DPYD: variants seen among roughly 807,000 people sequenced by gnomAD.
The protein encoded by DPYD is dihydropyrimidine dehydrogenase [NADP(+)].
Under a neutral mutation model 116.2 loss-of-function variants are expected in DPYD, and 109 were observed. The observed-to-expected ratio is 0.94, with a 90% CI of 0.80 to 1.10. The LOEUF (loss-of-function observed/expected upper bound fraction) is 1.10. Among genes scored for constraint, DPYD ranks in the 50% least tolerant of loss-of-function variants. The probability of loss-of-function intolerance (pLI) is 0.00; values close to 1 mark genes in which losing one functional copy is unlikely to be tolerated. For missense variants in DPYD, 1,302 were observed against 1,254.5 expected, an observed-to-expected ratio of 1.04 and a Z score of -0.57; for synonymous variants, 440 against 432.0, an observed-to-expected ratio of 1.02 and a Z score of -0.23.
chr1:97,496,829 C>T (rs1679291652), intron 13 of DPYD, among the ~76,000 whole-genome samples: 1 of 151,674 alleles, frequency 6.6e-6, no homozygotes. Context: ...CTCTGAGAAC[C>T]AGGATTGTAT....
chr1:97,721,602 GACA>G lies in DPYD; in HGVS notation c.388_390del (p.Cys130del). On this transcript the variant is annotated inframe_deletion, in exon 5 of 23. Transcript: ENST00000370192. ...CCACCTACACAAAGATCAGAGGTTG[GACA>G]TACCATTCCACAAGTCAGACCAAGT... The G allele has an allele frequency of 1.9e-6, 3 of 1,611,762 alleles. No individual in the cohort carries two copies. The highest frequency in any genetic ancestry group is 2.2e-5 in the South Asian group (2 of 91,024).
intron 12 of DPYD, among the ~76,000 whole-genome samples, chr1:97,522,451 G>C (rs376987022): frequency 2.0e-5 from 3 of 152,186 alleles, no homozygotes; most frequent in African/African-American, 7.2e-5. Flanking sequence ...TGTCGGGCGT[G>C]GTGGCTCACA....
intron 1 of DPYD, among the ~76,000 whole-genome samples, chr1:97,893,462 A>ATATATATATATATG (rs1553256548): frequency 4.3e-5 from 6 of 139,846 alleles, no homozygotes; most frequent in African/African-American, 1.6e-4. Flanking sequence ...ATATATATAT[A>ATATATATATATATG]GCAATGGAGA....
intron 20 of DPYD, among the ~76,000 whole-genome samples, chr1:97,189,336 G>A (rs982041869): frequency 1.3e-5 from 2 of 152,104 alleles, no homozygotes; most frequent in African/African-American, 4.8e-5. Flanking sequence ...TCCAGATGTC[G>A]GGAACAGCAT....
At chr1:97,438,859 C>T (rs530535766) in intron 14 of DPYD, among the ~76,000 whole-genome samples, 1 of 152,040 alleles carries the variant, frequency 6.6e-6, no homozygotes, top group African/African-American at 2.4e-5. Context: ...TTTACTTCTT[C>T]CTTTGCAGTC....
chr1:97,798,444 A>G (rs1204817250), intron 3 of DPYD, among the ~76,000 whole-genome samples: 1 of 152,044 alleles, frequency 6.6e-6, no homozygotes, highest in Non-Finnish European at 1.5e-5. Context: ...TACTCAGTGT[A>G]TGACCATGGG....
intron 14 of DPYD, among the ~76,000 whole-genome samples, chr1:97,424,417 T>C (rs1570712359): frequency 6.6e-6 from 1 of 151,596 alleles, no homozygotes; most frequent in Admixed American, 6.6e-5. Context: ...AAAGGAAACA[T>C]AGACACACTG....
At chr1:97,704,561 A>C (rs2100985211) in intron 5 of DPYD, among the ~76,000 whole-genome samples, 1 of 152,150 alleles carries the variant, frequency 6.6e-6, no homozygotes, top group Non-Finnish European at 1.5e-5. Flanking sequence ...TCCTTTTATT[A>C]AACTACATCA....
intron 8 of DPYD, among the ~76,000 whole-genome samples, chr1:97,596,454 T>C (rs1190978434): frequency 6.6e-6 from 1 of 152,180 alleles, no homozygotes; most frequent in Non-Finnish European, 1.5e-5. Context: ...TTTTCCAAAG[T>C]GTAAATGAAG....
At chr1:97,389,874 A>AAAT (rs201262918) in intron 14 of DPYD, among the ~76,000 whole-genome samples, 30 of 151,730 alleles carry the variant, frequency 2.0e-4, no homozygotes, top group Admixed American at 1.1e-3. Context: ...CAAAAAAAAA[A>AAAT]AAAGTAGTGC....
intron 13 of DPYD, chr1:97,514,217 C>T: frequency 1.0e-6 from 1 of 985,006 alleles, no homozygotes; most frequent in Non-Finnish European, 1.2e-6. Context: ...GCAAGTGCTC[C>T]TAGGTTACTG....
At chr1:97,416,007 A>G (rs180966433) in intron 14 of DPYD, among the ~76,000 whole-genome samples, 5 of 152,320 alleles carry the variant, frequency 3.3e-5, no homozygotes, top group Admixed American at 6.5e-5. Context: ...TAAGGTAACT[A>G]TTCAATAATA....
chr1:97,247,757 G>T (rs1662817405), intron 18 of DPYD, among the ~76,000 whole-genome samples: 1 of 152,136 alleles, frequency 6.6e-6, no homozygotes, highest in Non-Finnish European at 1.5e-5. Context: ...CAGTTGAAGT[G>T]AAATGCACAA....
chr1:97,651,508 A>T (rs1658582782), intron 8 of DPYD, among the ~76,000 whole-genome samples: 1 of 152,124 alleles, frequency 6.6e-6, no homozygotes, highest in Admixed American at 6.6e-5. Flanking sequence ...CCGTTCATTA[A>T]TCAAACATTA....
intron 3 of DPYD, among the ~76,000 whole-genome samples, chr1:97,822,695 G>A (rs563542631): frequency 1.3e-5 from 2 of 152,208 alleles, no homozygotes; most frequent in Non-Finnish European, 2.9e-5. Flanking sequence ...ATGTGAGAAT[G>A]GCTGTCTCAC....
At chr1:97,195,925 T>C (rs1658777691) in intron 19 of DPYD, among the ~76,000 whole-genome samples, 2 of 151,422 alleles carry the variant, frequency 1.3e-5, no homozygotes, top group African/African-American at 4.9e-5. Flanking sequence ...CGGATAACAT[T>C]TGCCTTTATA....
chr1:97,686,627 ACT>A (rs1261207821), intron 7 of DPYD, among the ~76,000 whole-genome samples: 2 of 111,848 alleles, frequency 1.8e-5, no homozygotes, highest in East Asian at 4.8e-4. Context: ...ACAGAGCGAG[ACT>A]CTGTCTCAAA....
chr1:97,885,353 TTTTCCACCTC>T (rs1426696031), intron 1 of DPYD, among the ~76,000 whole-genome samples: 1 of 152,008 alleles, frequency 6.6e-6, no homozygotes, highest in Non-Finnish European at 1.5e-5. Context: ...AAAAATGTTA[TTTTCCACCTC>T]TACTAATGTA....
intron 20 of DPYD, among the ~76,000 whole-genome samples, chr1:97,156,993 C>T (rs828062): frequency 0.027 from 4,063 of 150,684 alleles, 117 homozygotes; most frequent in African/African-American, 0.087. Context: ...TGGAAATCAT[C>T]ATTCTCAGTA....
Sources: gnomAD v4.1 joint callset for allele counts (sites outside exome capture counted in the v4.1 genomes callset) on GRCh38, gnomAD v4.1.1 for gene constraint, MANE v1.5 for transcripts, NCBI Gene and HGNC (gene_info 2026-07-23, HGNC 2026-07-21) for gene names.